The following TRAPPC8 variants were observed in gnomAD, a reference collection of about 807,000 sequenced individuals.
TRAPPC8 encodes the protein general sporulation gene 1 homolog.
Under a neutral mutation model 174.3 loss-of-function variants are expected in TRAPPC8, and 54 were observed. The ratio of observed to expected loss-of-function variants is 0.31; its 90% CI spans 0.25 to 0.39. The LOEUF (loss-of-function observed/expected upper bound fraction) is 0.39. TRAPPC8 is among the 10% of genes least tolerant of loss of function. TRAPPC8 has a pLI of 1.00. For synonymous variants in TRAPPC8, 630 were observed against 579.9 expected, an observed-to-expected ratio of 1.09 and a Z score of -1.24; for missense variants, 1,531 against 1,699.1, an observed-to-expected ratio of 0.90 and a Z score of 1.74.
intron 4 of TRAPPC8, among the ~76,000 whole-genome samples, chr18:31,915,267 C>T (rs2037081158): frequency 6.7e-6 from 1 of 148,394 alleles, no homozygotes; most frequent in Non-Finnish European, 1.5e-5. Context: ...TCCAGAGCAG[C>T]CTGGCCTACG....
At chr18:31,881,755 C>T (rs990271934) in intron 12 of TRAPPC8, among the ~76,000 whole-genome samples, 5 of 151,990 alleles carry the variant, frequency 3.3e-5, no homozygotes, top group African/African-American at 1.2e-4. Context: ...CGACAAAGGA[C>T]TAATATCCAG....
chr18:31,941,116 A>G (rs1388857692), intron 1 of TRAPPC8, among the ~76,000 whole-genome samples: 1 of 152,220 alleles, frequency 6.6e-6, no homozygotes, highest in East Asian at 1.9e-4. Flanking sequence ...GTACACATAT[A>G]AAAGTAAAAC....
At chr18:31,852,810 CAATGA>C (rs762892839) in intron 22 of TRAPPC8, 147 bp from the exon 23 acceptor site, 2 of 694,438 alleles carry the variant, frequency 2.9e-6, no homozygotes, top group Non-Finnish European at 4.8e-6. Context: ...GTTTTTATCT[CAATGA>C]AATGACCTCT....
rs2032247878 is a variant in TRAPPC8 at position 31,829,691 on chromosome 18, G to A, written c.*1064C>T. 2 of 152,274 alleles carry A rather than the reference G, an allele frequency of 1.3e-5. No individual in the cohort carries two copies. The highest frequency in any genetic ancestry group is 6.5e-5 in the Admixed American group (1 of 15,282). The allele number at this position is 152,274 out of a possible 1,614,324, so 9.4% of individuals were successfully genotyped here. A position where few individuals can be genotyped will look rare whatever the true frequency, so the allele number is the denominator to read the frequency against. ...GAGACTGGAACAAACCATGGTAGCT[G>A]TCAATGGCACAAGGACCCCATCTGC... is the stretch of plus-strand genomic sequence containing the variant. On this transcript the variant is annotated 3_prime_UTR_variant, in exon 29 of 29. Transcript: ENST00000283351.
rs1026047037 is a variant in TRAPPC8, at chr18:31,942,979, C to G, written c.-215G>C. The G allele has an allele frequency of 1.8e-5, 18 of 999,074 alleles. No individual in the cohort carries two copies. The African/African-American group carries it at 2.8e-4, about 16-fold the overall frequency. The allele number at this position is 999,074 out of a possible 1,614,324, so 61.9% of individuals were successfully genotyped here. On this transcript the variant is annotated 5_prime_UTR_variant, in exon 1 of 29. The change abolishes the stop of an existing upstream ORF in the 5' untranslated region. Transcript: ENST00000283351. ...CCCCCTTCCCGTCACCGCCGCTTCTCAGCGCTCGTCCCCGCGTGCTCGCAT... is the reference window on the plus strand; with the variant it reads ...CCCCCTTCCCGTCACCGCCGCTTCTGAGCGCTCGTCCCCGCGTGCTCGCAT...
chr18:31,832,188 TAAAC>T lies in TRAPPC8; in HGVS notation c.3984-19_3984-16del, dbSNP rs751165244. On this transcript the variant is annotated splice_polypyrimidine_tract_variant and intron_variant, in intron 27 of 28. Coordinates refer to ENST00000283351, the MANE Select transcript of TRAPPC8 (RefSeq NM_014939.5). Reference sequence around the variant, plus strand: ...CTAAACAAAGGCTATGGAAGAAAAATAAACAAAAAAGTTATATATTTTTTTCTTC... The same window carrying T: ...CTAAACAAAGGCTATGGAAGAAAAATAAAAAAGTTATATATTTTTTTCTTC... 8.3e-6 allele frequency: 12 copies of T among 1,451,300 alleles called. No homozygotes were observed. Among genetic ancestry groups the T allele is most frequent in the South Asian group, 6.1e-5 (4 of 65,052 alleles). The allele number at this position is 1,451,300 out of a possible 1,614,324, so 89.9% of individuals were successfully genotyped here. A position where few individuals can be genotyped will look rare whatever the true frequency, so the allele number is the denominator to read the frequency against.
intron 3 of TRAPPC8, among the ~76,000 whole-genome samples, chr18:31,916,960 T>C (rs552653501): frequency 1.3e-5 from 2 of 152,276 alleles, no homozygotes; most frequent in African/African-American, 4.8e-5. Context: ...ATTTTTTTTG[T>C]TGACAGTTTT....
At chr18:31,866,629 AAAG>A (rs1402909631) in intron 18 of TRAPPC8, among the ~76,000 whole-genome samples, 14 of 152,228 alleles carry the variant, frequency 9.2e-5, no homozygotes, top group African/African-American at 3.4e-4. Flanking sequence ...AAAATTAACA[AAAG>A]AAAATATATC....
chr18:31,831,107 C>T (rs2032340665), intron 28 of TRAPPC8, 118 bp from the exon 29 acceptor site: 1 of 752,608 alleles, frequency 1.3e-6, no homozygotes, highest in Non-Finnish European at 2.1e-6. Flanking sequence ...AATCCCAGCA[C>T]TTTGGGAGGC....
chr18:31,920,771 T>TGCAAAAATTAG (rs2037350515), intron 2 of TRAPPC8, among the ~76,000 whole-genome samples: 1 of 151,674 alleles, frequency 6.6e-6, no homozygotes, highest in Non-Finnish European at 1.5e-5. Flanking sequence ...TAGAACGCTG[T>TGCAAAAATTAG]CTCTACTAAA....
intron 12 of TRAPPC8, among the ~76,000 whole-genome samples, chr18:31,887,475 T>A (rs2035768320): frequency 1.3e-5 from 2 of 151,896 alleles, no homozygotes; most frequent in South Asian, 4.1e-4. Context: ...TGAAACCCCA[T>A]CTCTACTAAA....
At chr18:31,936,983 C>T (rs1377670193) in intron 1 of TRAPPC8, among the ~76,000 whole-genome samples, 1 of 147,520 alleles carries the variant, frequency 6.8e-6, no homozygotes, top group Non-Finnish European at 1.5e-5. Flanking sequence ...GAGGCCAAGG[C>T]GGGTGGATCA....
intron 12 of TRAPPC8, among the ~76,000 whole-genome samples, chr18:31,887,049 A>C (rs2035750104): frequency 6.6e-6 from 1 of 152,172 alleles, no homozygotes; most frequent in Admixed American, 6.5e-5. Flanking sequence ...ATTACTCTAT[A>C]ACTTCTTCTC....
intron 4 of TRAPPC8, among the ~76,000 whole-genome samples, chr18:31,915,878 C>T (rs148597712): frequency 0.018 from 2,548 of 142,066 alleles, 24 homozygotes; most frequent in East Asian, 0.055. Flanking sequence ...CAGAGTGAGA[C>T]TCCATCTCAG....
chr18:31,908,864 C>G lies in TRAPPC8; in HGVS notation c.1012G>C (p.Ala338Pro). 1.2e-6 allele frequency: 2 copies of G among 1,613,794 alleles called. No homozygotes were observed. The highest frequency in any genetic ancestry group is 1.7e-6 in the Non-Finnish European group (2 of 1,179,816). ...TCATGATCAGTAAGTGTTAAACATGCACCATGAATTATTCCAGTATTTCCT... is the reference window on the plus strand; with the variant it reads ...TCATGATCAGTAAGTGTTAAACATGGACCATGAATTATTCCAGTATTTCCT... ...KKGNTGIIHGACLTLTDHDRI... is the reference protein window; with the variant it reads ...KKGNTGIIHGPCLTLTDHDRI... Residue 338 changes from alanine (A) to proline (P), a missense_variant, in exon 7 of 29, where the codon GCA (alanine) becomes CCA (proline). Transcript: ENST00000283351.
chr18:31,911,400 G>A (rs1206175158), intron 5 of TRAPPC8, among the ~76,000 whole-genome samples: 4 of 150,474 alleles, frequency 2.7e-5, no homozygotes, highest in Admixed American at 1.3e-4. Flanking sequence ...GCAGTGAGCC[G>A]AGATCTCGCC....
chr18:31,940,766 G>T (rs1003136631), intron 1 of TRAPPC8, among the ~76,000 whole-genome samples: 3 of 151,968 alleles, frequency 2.0e-5, no homozygotes, highest in Admixed American at 6.6e-5. Context: ...CAAAGAGCTG[G>T]GATTACAAGC....
intron 19 of TRAPPC8, among the ~76,000 whole-genome samples, chr18:31,861,935 AAGG>A (rs1295069443): frequency 0.01 from 468 of 46,234 alleles, 12 homozygotes; most frequent in African/African-American, 0.033. Flanking sequence ...GAAAAAAAAA[AAGG>A]GGGGGGGGGG....
Position 31,916,319 on chromosome 18 carries a change from A to C in TRAPPC8, c.570T>G (p.Leu190=), listed in dbSNP as rs536900627. The C allele has an allele frequency of 1.2e-6, 2 of 1,611,400 alleles. No homozygotes were observed. Among genetic ancestry groups the C allele is most frequent in the Non-Finnish European group, 1.7e-6 (2 of 1,178,950 alleles). ...SYPKWFIPNT[L]KYYVLLHDVS... ...CATCATGTAAAAGTACATAGTATTT[A>C]AGTGTATTTGGTATAAACCACTTGG... is the stretch of plus-strand genomic sequence containing the variant. The change falls in exon 4 of 29, where the codon CTT becomes CTG. Residue 190 remains leucine, a synonymous_variant. Coordinates refer to ENST00000283351, the MANE Select transcript of TRAPPC8 (RefSeq NM_014939.5).
Sources: gnomAD v4.1 joint callset for allele counts (sites outside exome capture counted in the v4.1 genomes callset) on GRCh38, gnomAD v4.1.1 for gene constraint, MANE v1.5 for transcripts, NCBI Gene and HGNC (gene_info 2026-07-23, HGNC 2026-07-21) for gene names.